The following AK5 variants were observed in gnomAD, a reference collection of about 807,000 sequenced individuals.
AK5 encodes adenylate kinase isoenzyme 5.
In AK5, 27 loss-of-function variants were observed where a neutral mutation model predicts 69.5. The ratio of observed to expected loss-of-function variants is 0.39; its 90% confidence interval spans 0.29 to 0.54. The LOEUF is 0.54. Ranked by LOEUF, AK5 falls within the 20% of genes least tolerant of loss-of-function variation. The pLI, the probability that AK5 is intolerant of heterozygous loss-of-function variation, is 0.71. For synonymous variants in AK5, 260 were observed against 244.4 expected (o/e 1.06, Z -0.60); for missense variants, 531 against 700.4 (o/e 0.76, Z 2.73).
intron 8 of AK5, among the ~76,000 whole-genome samples, chr1:77,466,827 G>A (rs997137772): frequency 5.9e-5 from 9 of 152,164 alleles, no homozygotes; most frequent in Admixed American, 4.6e-4. Flanking sequence ...TTCTAACATG[G>A]TTGCGCTGGG....
At chr1:77,553,588 T>C (rs1026842649) in intron 13 of AK5, among the ~76,000 whole-genome samples, 1 of 152,132 alleles carries the variant, frequency 6.6e-6, no homozygotes, top group Admixed American at 6.5e-5. Context: ...AGACAAAAAA[T>C]TGGATCACTA....
At position 77,504,442 on chromosome 1, in the gene AK5, T is replaced by TG. The variant is rs371635291; in HGVS notation, c.1148-14122_1148-14121insG. On this transcript the variant is annotated intron_variant, in intron 10 of 13. Coordinates refer to ENST00000354567, the MANE Select transcript of AK5 (RefSeq NM_174858.3). ...TAGTTTTTTTCTGTGTATATATATA[T>TG]TTTTTTTAATATACATTTTTCATCA... 1.2e-3 allele frequency among the ~76,000 whole-genome samples: 81 copies of TG among 69,620 alleles called. 1 individual carries two copies. The highest frequency in any genetic ancestry group is 9.6e-3 in the Middle Eastern group (1 of 104). The allele number at this position is 69,620 out of a possible 152,430, so 45.7% of individuals were successfully genotyped here. A position where few individuals can be genotyped will look rare whatever the true frequency, so the allele number is the denominator to read the frequency against.
At chr1:77,400,501 T>G (rs1041162091) in intron 6 of AK5, among the ~76,000 whole-genome samples, 9 of 152,182 alleles carry the variant, frequency 5.9e-5, no homozygotes, top group Non-Finnish European at 1.3e-4. Flanking sequence ...GTTCAGTAAA[T>G]GGCGTTACCT....
intron 5 of AK5, among the ~76,000 whole-genome samples, chr1:77,304,197 C>T (rs1659502210): frequency 6.6e-6 from 1 of 152,044 alleles, no homozygotes; most frequent in African/African-American, 2.4e-5. Flanking sequence ...CTCTGATAAC[C>T]ATCCTTTTAC....
At chr1:77,303,027 AT>A (rs1659428414) in intron 5 of AK5, among the ~76,000 whole-genome samples, 1 of 152,186 alleles carries the variant, frequency 6.6e-6, no homozygotes, top group Non-Finnish European at 1.5e-5. Context: ...GCCCCCACTT[AT>A]GTAACTATTG....
chr1:77,411,770 C>T (rs1447099169), intron 7 of AK5, among the ~76,000 whole-genome samples: 2 of 151,942 alleles, frequency 1.3e-5, no homozygotes, highest in Non-Finnish European at 2.9e-5. Flanking sequence ...AGCTTGGGGC[C>T]ACAAAGAAAA....
intron 6 of AK5, among the ~76,000 whole-genome samples, chr1:77,401,719 C>T (rs1649226879): frequency 6.6e-6 from 1 of 152,134 alleles, no homozygotes; most frequent in African/African-American, 2.4e-5. Flanking sequence ...AACTCATTTC[C>T]GCCATTAAAA....
intron 6 of AK5, among the ~76,000 whole-genome samples, chr1:77,352,091 G>A (rs1482900123): frequency 3.3e-5 from 5 of 151,790 alleles, no homozygotes; most frequent in Admixed American, 6.6e-5. Flanking sequence ...CACCATGCCC[G>A]GCTAATTTTT....
chr1:77,483,396 T>C (rs1317566474), intron 9 of AK5, 37 bp downstream of exon 9: 2 of 1,533,106 alleles, frequency 1.3e-6, no homozygotes, highest in South Asian at 1.1e-5. Context: ...AAGTTGTCAT[T>C]TTAGTAACTT....
intron 8 of AK5, among the ~76,000 whole-genome samples, chr1:77,468,064 C>T (rs566830586): frequency 6.6e-6 from 1 of 152,194 alleles, no homozygotes; most frequent in Admixed American, 6.5e-5. Context: ...TCTTAGAGGA[C>T]TGGCCTGAGG....
intron 6 of AK5, among the ~76,000 whole-genome samples, chr1:77,359,160 C>A (rs1177014616): frequency 6.6e-6 from 1 of 151,154 alleles, no homozygotes; most frequent in Non-Finnish European, 1.5e-5. Flanking sequence ...GAGGCTGAGG[C>A]AGAAGAATGG....
chr1:77,366,112 C>T (rs180728435), intron 6 of AK5, among the ~76,000 whole-genome samples: 96 of 152,200 alleles, frequency 6.3e-4, no homozygotes, highest in African/African-American at 2.2e-3. Context: ...ATAATTATAG[C>T]TACTATTGAT....
intron 8 of AK5, among the ~76,000 whole-genome samples, chr1:77,468,168 G>A (rs1340784376): frequency 1.3e-5 from 2 of 152,218 alleles, no homozygotes; most frequent in Non-Finnish European, 2.9e-5. Context: ...GTGTCTGACT[G>A]ATACCATTGA....
intron 6 of AK5, chr1:77,349,397 A>AG (rs2100406761): frequency 6.6e-6 from 1 of 152,326 alleles, no homozygotes; most frequent in Admixed American, 6.5e-5. Context: ...TTTGTAAATG[A>AG]GAAAAACGAA....
intron 8 of AK5, among the ~76,000 whole-genome samples, chr1:77,477,418 T>C (rs1226898281): frequency 1.3e-5 from 2 of 152,194 alleles, no homozygotes; most frequent in African/African-American, 4.8e-5. Context: ...GATATTTTTT[T>C]GCTCCACCTC....
intron 6 of AK5, among the ~76,000 whole-genome samples, chr1:77,353,637 C>T (rs1662335360): frequency 6.6e-6 from 1 of 152,204 alleles, no homozygotes; most frequent in Admixed American, 6.5e-5. Context: ...CTCACTCTGA[C>T]ATTACTCCTT....
In AK5 at chr1:77,360,126, C is replaced by T. The variant is rs954858938; in HGVS notation, c.891+19558C>T. Among the ~76,000 whole-genome samples, 16 of 152,198 alleles carry T rather than the reference C, an allele frequency of 1.1e-4. 1 individual carries two copies. The highest frequency in any genetic ancestry group is 3.9e-4 in the African/African-American group (16 of 41,508). ...TAGGTTGTTTTCCCATTCATTAATT[C>T]GGTAAGTATGCATTACCATTGGTGA... is the stretch of plus-strand genomic sequence containing the variant. On this transcript the variant is annotated intron_variant, in intron 6 of 13. Transcript: ENST00000354567.
chr1:77,304,995 A>G (rs980972813), intron 5 of AK5, among the ~76,000 whole-genome samples: 1 of 152,086 alleles, frequency 6.6e-6, no homozygotes, highest in Non-Finnish European at 1.5e-5. Flanking sequence ...CCTCGTCAGC[A>G]TTTGTTGTTG....
At chr1:77,398,611 C>T (rs1018374699) in intron 6 of AK5, among the ~76,000 whole-genome samples, 3 of 152,192 alleles carry the variant, frequency 2.0e-5, no homozygotes, top group Non-Finnish European at 4.4e-5. Context: ...CTGCTGGGCT[C>T]AGAATGCTGT....
Sources: gnomAD v4.1 joint callset for allele counts (sites outside exome capture counted in the v4.1 genomes callset) on GRCh38, gnomAD v4.1.1 for gene constraint, MANE v1.5 for transcripts, NCBI Gene and HGNC (gene_info 2026-07-23, HGNC 2026-07-21) for gene names.